Variants in PXDN observed in about 807,000 individuals in gnomAD.
PXDN encodes the protein peroxidasin homolog.
Under a neutral mutation model 140.3 loss-of-function variants are expected in PXDN, and 77 were observed. The ratio of observed to expected loss-of-function variants is 0.55; its 90% confidence interval spans 0.46 to 0.66. The LOEUF (loss-of-function observed/expected upper bound fraction) is 0.66, where lower values mean the gene tolerates loss of function less well. Among genes scored for constraint, PXDN ranks in the 30% least tolerant of loss-of-function variants. The pLI, the probability that PXDN is intolerant of heterozygous loss-of-function variation, is 0.00. For missense variants in PXDN, 1,838 were observed against 2,039.5 expected, an observed-to-expected ratio of 0.90 and a Z score of 1.90; for synonymous variants, 911 against 857.4, an observed-to-expected ratio of 1.06 and a Z score of -1.09.
At chr2:1,735,505 C>T (rs1685408919) in intron 1 of PXDN, among the ~76,000 whole-genome samples, 2 of 152,216 alleles carry the variant, frequency 1.3e-5, no homozygotes. Flanking sequence ...CTTGCATTCT[C>T]CATCAGAGCT....
chr2:1,740,148 G>T (rs565702555), intron 1 of PXDN, among the ~76,000 whole-genome samples: 1 of 152,368 alleles, frequency 6.6e-6, no homozygotes, highest in South Asian at 2.1e-4. Context: ...CCCGGGAGCA[G>T]GAGGGTGCAG....
intron 17 of PXDN, 67 bp from the exon 18 acceptor site, chr2:1,644,819 A>G (rs1465535717): frequency 1.5e-6 from 2 of 1,317,282 alleles, no homozygotes; most frequent in African/African-American, 3.0e-5. Context: ...TACAGCAAAT[A>G]TAAAAACAGT....
chr2:1,740,830 G>A (rs754860937), intron 1 of PXDN, among the ~76,000 whole-genome samples: 2 of 152,196 alleles, frequency 1.3e-5, no homozygotes, highest in Non-Finnish European at 2.9e-5. Flanking sequence ...AACTGAGAAT[G>A]AGGAGCAGCT....
intron 1 of PXDN, among the ~76,000 whole-genome samples, chr2:1,723,800 C>T (rs969532448): frequency 5.3e-5 from 8 of 152,130 alleles, no homozygotes; most frequent in Non-Finnish European, 7.4e-5. Context: ...ATGAAAAAAA[C>T]ATGCACAAGA....
intron 1 of PXDN, among the ~76,000 whole-genome samples, chr2:1,736,181 A>C (rs992640885): frequency 1.4e-4 from 22 of 152,176 alleles, no homozygotes; most frequent in African/African-American, 5.1e-4. Context: ...CAAACCACTA[A>C]AACTTCCTCC....
intron 1 of PXDN, among the ~76,000 whole-genome samples, chr2:1,719,203 G>A (rs369265478): frequency 3.9e-5 from 6 of 152,146 alleles, no homozygotes; most frequent in Non-Finnish European, 7.4e-5. Flanking sequence ...CCTGCTCCCC[G>A]TGTGGGAACA....
chr2:1,702,199 CAGA>C (rs1477774790), intron 1 of PXDN, among the ~76,000 whole-genome samples: 3 of 152,206 alleles, frequency 2.0e-5, no homozygotes, highest in Non-Finnish European at 2.9e-5. Context: ...TACCTGAAGG[CAGA>C]AGGAGCAGAG....
At chr2:1,663,003 G>A (rs1683341539) in intron 12 of PXDN, among the ~76,000 whole-genome samples, 2 of 152,198 alleles carry the variant, frequency 1.3e-5, no homozygotes, top group African/African-American at 2.4e-5. Context: ...CCTGCAACAC[G>A]GGGGCTGGGC....
At chr2:1,644,169 G>A (rs1345288314) in intron 18 of PXDN, among the ~76,000 whole-genome samples, 2 of 150,554 alleles carry the variant, frequency 1.3e-5, no homozygotes, top group Non-Finnish European at 2.9e-5. Flanking sequence ...AAACAAAACT[G>A]GCATGGCAGT....
Position 1,639,052 on chromosome 2 carries a change from CTGGGTGTG to C in PXDN, c.4074-82_4074-75del, listed in dbSNP as rs1682647783. 2.4e-6 allele frequency: 1 copy of C among 423,894 alleles called. No individual in the cohort carries two copies. Among genetic ancestry groups the C allele is most frequent in the Non-Finnish European group, 2.8e-6 (1 of 355,512 alleles). The allele number at this position is 423,894 out of a possible 1,614,324, so 26.3% of individuals were successfully genotyped here. ...ACGCCGGGTCTCATTTCAAGGTTTCCTGGGTGTGCACCGCCCCTGATGCTCTGAGCTGG... is the reference window on the plus strand; with the variant it reads ...ACGCCGGGTCTCATTTCAAGGTTTCCCACCGCCCCTGATGCTCTGAGCTGG... On this transcript the variant is annotated intron_variant, in intron 20 of 22. Transcript: ENST00000252804. This position sits in a 1 kb window ranked among gnomAD's most constrained non-coding sequence, Gnocchi z 5.0.
intron 7 of PXDN, among the ~76,000 whole-genome samples, chr2:1,677,436 G>A (rs930596798): frequency 3.9e-5 from 6 of 152,324 alleles, no homozygotes; most frequent in African/African-American, 1.4e-4. Flanking sequence ...TAGCTAAAGC[G>A]TCCCTGAAAG....
intron 15 of PXDN, 83 bp from the exon 16 acceptor site, chr2:1,653,868 T>A: frequency 7.3e-7 from 1 of 1,374,922 alleles, no homozygotes; most frequent in East Asian, 2.5e-5. Flanking sequence ...ATATAATCAT[T>A]GCTATTAATA....
intron 8 of PXDN, among the ~76,000 whole-genome samples, chr2:1,674,467 A>G (rs10195480): frequency 0.27 from 40,395 of 152,134 alleles, 5,620 homozygotes; most frequent in Admixed American, 0.38. Flanking sequence ...AGAGGCCAGG[A>G]CACAGGTGAC....
intron 1 of PXDN, among the ~76,000 whole-genome samples, chr2:1,700,244 T>A (rs1205210721): frequency 1.3e-5 from 2 of 152,104 alleles, no homozygotes; most frequent in Non-Finnish European, 2.9e-5. Flanking sequence ...GTATTTTTAG[T>A]AGAGACGGGG....
intron 17 of PXDN, among the ~76,000 whole-genome samples, chr2:1,646,517 G>A (rs1472435344): frequency 2.0e-5 from 3 of 152,242 alleles, no homozygotes; most frequent in South Asian, 2.1e-4. Context: ...AACGGAGTGC[G>A]CACACACTTC....
chr2:1,687,494 AT>A lies in PXDN; in HGVS notation c.416+137del. ...ACTCGCCCATCCCTGTTTTTCCGTC[AT>A]CATGCACGTACTCCCCGCACCTCAG... is the stretch of plus-strand genomic sequence containing the variant. On this transcript the variant is annotated intron_variant, in intron 4 of 22. Coordinates refer to ENST00000252804, the MANE Select transcript of PXDN (RefSeq NM_012293.3). This position sits in a 1 kb window ranked among gnomAD's most constrained non-coding sequence, Gnocchi z 4.0. The A allele has an allele frequency of 1.8e-6, 1 of 553,958 alleles. No homozygotes were observed. The highest frequency in any genetic ancestry group is 3.3e-5 in the East Asian group (1 of 30,438). 34.3% of individuals were successfully genotyped at this position (553,958 alleles called of 1,614,324 possible). A position where few individuals can be genotyped will look rare whatever the true frequency, so the allele number is the denominator to read the frequency against.
rs1683276631 is a variant in PXDN, at chr2:1,660,404, G to A, written c.1837+477C>T. ...AGGACCACCGACTGGATCTATGTAA[G>A]GCTGCCTACGAGCACCTAGAGGTTC... On this transcript the variant is annotated intron_variant, in intron 14 of 22. Coordinates refer to ENST00000252804, the MANE Select transcript of PXDN (RefSeq NM_012293.3). This position sits in a 1 kb window ranked among gnomAD's most constrained non-coding sequence, Gnocchi z 4.6. 6.6e-6 allele frequency among the ~76,000 whole-genome samples: 1 copy of A among 152,180 alleles called. No individual in the cohort carries two copies. The highest frequency in any genetic ancestry group is 1.5e-5 in the Non-Finnish European group (1 of 68,040).
intron 1 of PXDN, among the ~76,000 whole-genome samples, chr2:1,716,969 T>G (rs1416102407): frequency 6.6e-6 from 1 of 152,140 alleles, no homozygotes; most frequent in East Asian, 1.9e-4. Context: ...TCCAGCCCCA[T>G]GTCCCCAAAA....
In PXDN at chr2:1,690,225, G is replaced by A. The variant is rs146502441; in HGVS notation, c.344+1703C>T. 1.8e-3 allele frequency among the ~76,000 whole-genome samples: 269 copies of A among 152,262 alleles called. 2 individuals are homozygous for A. The highest frequency in any genetic ancestry group is 0.014 in the Middle Eastern group (4 of 294). The stretch of plus-strand genomic sequence containing the variant: ...CCTCCACTGCCCTGGTCTTTAGTCC[G>A]TTTCTGAGTCATGACCCACGGCCCC... On this transcript the variant is annotated intron_variant, in intron 3 of 22. Transcript: ENST00000252804.
Sources: gnomAD v4.1 joint callset for allele counts (sites outside exome capture counted in the v4.1 genomes callset) on GRCh38, gnomAD v4.1.1 for gene constraint, Gnocchi (gnomAD v3.1) non-coding constraint, MANE v1.5 for transcripts, NCBI Gene and HGNC (gene_info 2026-07-23, HGNC 2026-07-21) for gene names.